TXNDC11: variants seen among roughly 807,000 people sequenced by gnomAD.
TXNDC11 encodes thioredoxin domain containing 11.
TXNDC11 carries 68 observed loss-of-function variants against 78.0 expected under a neutral mutation model. The observed-to-expected ratio is 0.87, with a 90% confidence interval of 0.72 to 1.07. The LOEUF is 1.07. TXNDC11 is among the 50% of genes least tolerant of loss of function. TXNDC11 has a pLI of 0.00. For missense variants in TXNDC11, 1,389 were observed against 1,221.8 expected, an observed-to-expected ratio of 1.14 and a Z score of -2.04; for synonymous variants, 571 against 495.2, an observed-to-expected ratio of 1.15 and a Z score of -2.03.
At position 11,679,233 on chromosome 16, in the gene TXNDC11, G is replaced by T. The variant is rs139507945; in HGVS notation, c.2839C>A (p.Leu947Met). ...SPPPANVSAT[L>M]VSERNKENRT... is the part of the protein sequence containing the mutation. ...TTCTCCTTATTCCTTTCAGACACCA[G>T]TGTGGCGCTGACATTGGCAGGTGGA... The change falls in exon 12 of 12, where the codon CTG becomes ATG. Residue 947 changes from leucine to methionine, a missense_variant. Transcript: ENST00000283033. The surrounding 1 kb of genome is among the most constrained non-coding windows in gnomAD (Gnocchi z 4.6). 2.8e-4 allele frequency: 446 copies of T among 1,613,664 alleles called. 1 individual carries two copies. Among genetic ancestry groups the T allele is most frequent in the South Asian group, 5.3e-4 (48 of 91,082 alleles).
chr16:11,725,696 A>G (rs1318970362), intron 4 of TXNDC11, among the ~76,000 whole-genome samples: 2 of 152,194 alleles, frequency 1.3e-5, no homozygotes, highest in Admixed American at 1.3e-4. Flanking sequence ...GCACTTGAAA[A>G]CTGAAGAGCA....
rs764834195 is a variant in TXNDC11 at position 11,691,378 on chromosome 16, C to T, written c.1812G>A (p.Gln604=). Residue 604 remains glutamine (Q), a synonymous_variant, in exon 8 of 12, where the codon CAG becomes CAA. Transcript: ENST00000283033. The part of the protein sequence containing the change: ...AERLGAPSST[Q]VKEFAAIVDV... ...CAACAATTGCCGCAAATTCTTTCAC[C>T]TGAGTGGAGCTCGGAGCACCCAGTC... 12 of 1,614,064 alleles carry T rather than the reference C, an allele frequency of 7.4e-6. No individual in the cohort carries two copies. The East Asian group carries it at 1.1e-4, about 15-fold the overall frequency.
intron 8 of TXNDC11, among the ~76,000 whole-genome samples, chr16:11,688,905 G>C (rs2050637152): frequency 2.6e-5 from 4 of 151,974 alleles, no homozygotes; most frequent in Non-Finnish European, 1.5e-5. Context: ...ACAGTTTTTT[G>C]TTTCCTTTAT....
At chr16:11,697,952 C>T (rs1041264758) in intron 7 of TXNDC11, among the ~76,000 whole-genome samples, 173 bp downstream of exon 7, 15 of 152,238 alleles carry the variant, frequency 9.9e-5, no homozygotes, top group African/African-American at 3.6e-4. Flanking sequence ...CTGTCCTAGA[C>T]ACGGGCTCTC....
chr16:11,699,417 G>A lies in TXNDC11; in HGVS notation c.906+1035C>T, dbSNP rs558393943. 3.3e-5 allele frequency among the ~76,000 whole-genome samples: 5 copies of A among 152,362 alleles called. No individual in the cohort carries two copies. In the South Asian group the frequency reaches 1.0e-3, roughly 32 times the overall value. The stretch of plus-strand genomic sequence containing the variant: ...AGCAAAAGCAGATGATGTCAAAGCA[G>A]CTTAGGCAGAGGCACAAGGAGCGTA... On this transcript the variant is annotated intron_variant, in intron 6 of 11. Coordinates refer to ENST00000283033, the MANE Select transcript of TXNDC11 (RefSeq NM_015914.7).
intron 4 of TXNDC11, among the ~76,000 whole-genome samples, chr16:11,727,669 C>A (rs996301222): frequency 1.3e-5 from 2 of 150,298 alleles, no homozygotes; most frequent in Non-Finnish European, 3.0e-5. Context: ...CCCGCCCCCC[C>A]CACCCCACCA....
chr16:11,679,127 T>C lies in TXNDC11; in HGVS notation c.*68A>G. ...AATCTTTATTTACAATAAATTTCAA[T>C]AAAATTTGCATAAATATATTCCCAA... is the stretch of plus-strand genomic sequence containing the variant. On this transcript the variant is annotated 3_prime_UTR_variant, in exon 12 of 12. Coordinates refer to ENST00000283033, the MANE Select transcript of TXNDC11 (RefSeq NM_015914.7). This position sits in a 1 kb window ranked among gnomAD's most constrained non-coding sequence, Gnocchi z 4.6. 3 of 1,497,430 alleles carry C rather than the reference T, an allele frequency of 2.0e-6. No individual in the cohort carries two copies. Among genetic ancestry groups the C allele is most frequent in the Non-Finnish European group, 2.7e-6 (3 of 1,102,644 alleles). 92.8% of individuals were successfully genotyped at this position (1,497,430 alleles called of 1,614,324 possible). A position where few individuals can be genotyped will look rare whatever the true frequency, so the allele number is the denominator to read the frequency against.
intron 3 of TXNDC11, 22 bp from the exon 4 acceptor site, chr16:11,730,796 A>G (rs1203350445): frequency 6.7e-7 from 1 of 1,498,346 alleles, no homozygotes; most frequent in South Asian, 1.4e-5. Context: ...AAATAAAAAT[A>G]AAAATAAAAA....
intron 10 of TXNDC11, among the ~76,000 whole-genome samples, chr16:11,686,164 GC>G (rs1350891219): frequency 6.6e-6 from 1 of 152,090 alleles, no homozygotes; most frequent in African/African-American, 2.4e-5. Flanking sequence ...CACTATGTTG[GC>G]CAGGCTGGTC....
At chr16:11,742,123 T>G in intron 1 of TXNDC11, 5 of 267,956 alleles carry the variant, frequency 1.9e-5, no homozygotes, top group Non-Finnish European at 2.8e-5. Flanking sequence ...ACCTGAAGCT[T>G]AAGGGGAATG....
At chr16:11,716,765 G>A (rs1039062365) in intron 5 of TXNDC11, among the ~76,000 whole-genome samples, 5 of 152,038 alleles carry the variant, frequency 3.3e-5, no homozygotes, top group African/African-American at 9.7e-5. Flanking sequence ...GGACATAAAA[G>A]AATATTCCAC....
intron 5 of TXNDC11, among the ~76,000 whole-genome samples, chr16:11,720,943 T>C (rs2051686741): frequency 6.6e-6 from 1 of 151,624 alleles, no homozygotes. Flanking sequence ...AGTTTTGCCA[T>C]GTTGGCCAGG....
intron 1 of TXNDC11, among the ~76,000 whole-genome samples, chr16:11,741,734 T>C (rs1235629122): frequency 6.6e-6 from 1 of 152,112 alleles, no homozygotes; most frequent in African/African-American, 2.4e-5. Context: ...TAGGTGCAGA[T>C]AAATAATCGT....
At chr16:11,738,674 A>AAT (rs1396027362) in intron 1 of TXNDC11, among the ~76,000 whole-genome samples, 1 of 151,960 alleles carries the variant, frequency 6.6e-6, no homozygotes, top group Non-Finnish European at 1.5e-5. Context: ...AAAAAAAAAA[A>AAT]AGACACGTTT....
chr16:11,735,827 G>C (rs2052202675), intron 2 of TXNDC11, among the ~76,000 whole-genome samples, 190 bp downstream of exon 2: 1 of 152,172 alleles, frequency 6.6e-6, no homozygotes, highest in Non-Finnish European at 1.5e-5. Context: ...TCCCACACTT[G>C]CCTTGGAGTA....
chr16:11,693,637 G>A (rs1476792475), intron 7 of TXNDC11, among the ~76,000 whole-genome samples: 3 of 152,050 alleles, frequency 2.0e-5, no homozygotes, highest in Admixed American at 1.3e-4. Flanking sequence ...ATAGTTCTCG[G>A]CATAAAAAAA....
chr16:11,735,979 G>T, intron 2 of TXNDC11, 38 bp downstream of exon 2: 2 of 1,597,076 alleles, frequency 1.3e-6, no homozygotes, highest in South Asian at 2.2e-5. Flanking sequence ...ATATAGGACT[G>T]ACAGTCATTT....
At chr16:11,699,941 G>C (rs1193126983) in intron 6 of TXNDC11, among the ~76,000 whole-genome samples, 2 of 152,198 alleles carry the variant, frequency 1.3e-5, no homozygotes, top group Non-Finnish European at 2.9e-5. Flanking sequence ...AATGAAATCG[G>C]GGAACAAAGG....
At chr16:11,731,173 G>A (rs1041180716) in intron 3 of TXNDC11, among the ~76,000 whole-genome samples, 6 of 152,124 alleles carry the variant, frequency 3.9e-5, no homozygotes, top group African/African-American at 1.4e-4. Flanking sequence ...CAACGCAGGC[G>A]GGCAGACTTT....
Sources: allele counts gnomAD v4.1 joint callset (sites outside exome capture counted in the v4.1 genomes callset), GRCh38; gene constraint gnomAD v4.1.1; non-coding constraint Gnocchi (gnomAD v3.1); transcripts MANE v1.5; gene names NCBI Gene and HGNC (gene_info 2026-07-23, HGNC 2026-07-21).